RIPOR2: variants seen among roughly 807,000 people sequenced by gnomAD.
RIPOR2 encodes the protein rho family-interacting cell polarization regulator 2.
A neutral mutation model predicts 114.5 loss-of-function variants in RIPOR2; 39 were observed. That is an observed-to-expected ratio of 0.34 (90% CI 0.26 to 0.44). The LOEUF is 0.44. Ranked by LOEUF, RIPOR2 falls within the 20% of genes least tolerant of loss-of-function variation. RIPOR2 has a pLI of 1.00. For synonymous variants in RIPOR2, 445 were observed against 484.4 expected (o/e 0.92, Z 1.07); for missense variants, 1,007 against 1,255.1 (o/e 0.80, Z 2.99).
chr6:24,881,148 G>A (rs1294929915), intron 1 of RIPOR2, among the ~76,000 whole-genome samples: 1 of 152,160 alleles, frequency 6.6e-6, no homozygotes, highest in Non-Finnish European at 1.5e-5. Flanking sequence ...GGAGGCTGAG[G>A]CAGGAGCATT....
At chr6:24,854,787 G>A (rs1192411657) in intron 8 of RIPOR2, among the ~76,000 whole-genome samples, 1 of 152,146 alleles carries the variant, frequency 6.6e-6, no homozygotes, top group Non-Finnish European at 1.5e-5. Context: ...CAGCACTTTA[G>A]GAGGCTGAGG....
At chr6:25,029,718 T>TA (rs1321135011) in intron 1 of RIPOR2, among the ~76,000 whole-genome samples, 6 of 152,142 alleles carry the variant, frequency 3.9e-5, no homozygotes, top group African/African-American at 1.2e-4. Flanking sequence ...CTTCTCATCT[T>TA]AAAAAAACCA....
chr6:25,005,123 C>T lies in RIPOR2; in HGVS notation c.76+36728G>A, dbSNP rs946586564. On this transcript the variant is annotated intron_variant, in intron 1 of 13. Coordinates refer to the RIPOR2 transcript ENST00000510784. Reference sequence around the variant, plus strand: ...TAAGCTACAGCTGATAGCTTTGCACCAGGAGAATTTCTCTGCCTATTTCCC... The same window carrying T: ...TAAGCTACAGCTGATAGCTTTGCACTAGGAGAATTTCTCTGCCTATTTCCC... Among the ~76,000 whole-genome samples the T allele has an allele frequency of 2.6e-5, 4 of 151,988 alleles. No individual in the cohort carries two copies. In the East Asian group the frequency reaches 5.8e-4, roughly 22 times the overall value.
chr6:24,957,870 C>T (rs559893371), intron 1 of RIPOR2, among the ~76,000 whole-genome samples: 1 of 152,120 alleles, frequency 6.6e-6, no homozygotes, highest in South Asian at 2.1e-4. Flanking sequence ...GCGAAGACTC[C>T]GTCTCAAAAA....
intron 1 of RIPOR2, among the ~76,000 whole-genome samples, chr6:24,905,773 G>A (rs532080827): frequency 6.6e-6 from 1 of 152,306 alleles, no homozygotes; most frequent in Admixed American, 6.5e-5. Flanking sequence ...AATCACGTGT[G>A]CTTTTAGCGT....
At position 24,891,589 on chromosome 6, in the gene RIPOR2, G is replaced by A. The variant is rs889178447; in HGVS notation, c.62-15772C>T. ...AGAAAGAACAAATGCTTATGTATCC[G>A]AGACTGGATCCATCAACGTATGGCA... On this transcript the variant is annotated intron_variant, in intron 1 of 21. Transcript: ENST00000643898. 2.0e-5 allele frequency among the ~76,000 whole-genome samples: 3 copies of A among 151,972 alleles called. No homozygotes were observed. The South Asian group carries it at 6.2e-4, about 32-fold the overall frequency.
chr6:25,022,531 CATTTTTTTTTTTTTTTTTTTTTTTT>C (rs1452214194), intron 1 of RIPOR2, among the ~76,000 whole-genome samples: 5 of 64,530 alleles, frequency 7.7e-5, no homozygotes, highest in African/African-American at 2.4e-4. Flanking sequence ...TGGTACCTTC[CATTTTTTTTTTTTTTTTTTTTTTTT>C]TTTTTTTTTT....
intron 1 of RIPOR2, among the ~76,000 whole-genome samples, chr6:24,919,938 G>A (rs975333115): frequency 6.6e-6 from 1 of 152,104 alleles, no homozygotes; most frequent in African/African-American, 2.4e-5. Flanking sequence ...TGGTGATTTC[G>A]GTGTTTGGAG....
chr6:24,901,545 AAT>A (rs1381709283), intron 1 of RIPOR2, among the ~76,000 whole-genome samples: 2 of 152,124 alleles, frequency 1.3e-5, no homozygotes, highest in Non-Finnish European at 2.9e-5. Flanking sequence ...CTTTTTTTGG[AAT>A]GTCATGGGAG....
chr6:24,988,830 C>T (rs1256120310), intron 1 of RIPOR2, among the ~76,000 whole-genome samples: 1 of 152,178 alleles, frequency 6.6e-6, no homozygotes, highest in Admixed American at 6.5e-5. Flanking sequence ...CATTCATTTA[C>T]ATATTATCTA....
intron 1 of RIPOR2, chr6:24,976,435 T>A: frequency 6.4e-7 from 1 of 1,561,030 alleles, no homozygotes; most frequent in Non-Finnish European, 8.8e-7. Context: ...AACCCCACCA[T>A]GTTCTTCGAC....
At chr6:24,986,834 T>C (rs1407926877) in intron 1 of RIPOR2, among the ~76,000 whole-genome samples, 1 of 152,162 alleles carries the variant, frequency 6.6e-6, no homozygotes, top group Non-Finnish European at 1.5e-5. Context: ...GTCCAATCTT[T>C]TGGCTTCCCT....
Position 24,806,385 on chromosome 6 carries a change from G to A in RIPOR2, c.3132C>T (p.Ala1044=). 1 of 1,549,672 alleles carries A rather than the reference G, an allele frequency of 6.5e-7. No individual in the cohort carries two copies. Among genetic ancestry groups the A allele is most frequent in the Non-Finnish European group, 8.7e-7 (1 of 1,145,368 alleles). The part of the protein sequence containing the change: ...KVGGRHGTEV[A]TAF Reference sequence around the variant, plus strand: ...AGTTAACCTGTAATTAAAAGGCTGTGGCAACTTCAGTTCCATGACGACCTC... The same window carrying A: ...AGTTAACCTGTAATTAAAAGGCTGTAGCAACTTCAGTTCCATGACGACCTC... Residue 1044 remains alanine (A), a synonymous_variant, in exon 22 of 22, where the codon GCC becomes GCT. Transcript: ENST00000643898.
chr6:24,880,725 A>G (rs1418245020), intron 1 of RIPOR2, among the ~76,000 whole-genome samples: 1 of 152,230 alleles, frequency 6.6e-6, no homozygotes, highest in Non-Finnish European at 1.5e-5. Context: ...GGCTTTATAA[A>G]TTCTGATTAC....
Position 24,957,817 on chromosome 6 carries a change from G to T in RIPOR2, c.77-82000C>A, listed in dbSNP as rs150044953. ...GTGAACCTAGGAGGCAGAGCTTGCG[G>T]TGAGCTGAGATCGTGCCACTGCACT... On this transcript the variant is annotated intron_variant, in intron 1 of 13. Transcript: ENST00000510784. Among the ~76,000 whole-genome samples, 164 of 152,346 alleles carry T rather than the reference G, an allele frequency of 1.1e-3. 1 individual carries two copies. In the East Asian group the frequency reaches 0.012, roughly 11 times the overall value.
In RIPOR2 at chr6:24,838,127, G is replaced by T. The variant is rs148585307; in HGVS notation, c.2039+964C>A. ...TGCATGAGGACACCGGACGGTGAAG[G>T]TGACAATGTTTCACCTTCATCTGTT... is the stretch of plus-strand genomic sequence containing the variant. On this transcript the variant is annotated intron_variant, in intron 14 of 21. Coordinates refer to ENST00000643898, the MANE Select transcript of RIPOR2 (RefSeq NM_001286445.3). 3.7e-3 allele frequency among the ~76,000 whole-genome samples: 568 copies of T among 152,332 alleles called. 2 individuals carry two copies. The highest frequency in any genetic ancestry group is 0.012 in the African/African-American group (506 of 41,574).
chr6:24,933,793 A>T (rs1011173618), intron 1 of RIPOR2, among the ~76,000 whole-genome samples: 1 of 152,114 alleles, frequency 6.6e-6, no homozygotes, highest in Non-Finnish European at 1.5e-5. Flanking sequence ...TTGACTCCCA[A>T]CTTATCAACC....
intron 1 of RIPOR2, among the ~76,000 whole-genome samples, chr6:24,918,303 T>C (rs1770238235): frequency 6.6e-6 from 1 of 152,238 alleles, no homozygotes; most frequent in Non-Finnish European, 1.5e-5. Flanking sequence ...TTGATAATCA[T>C]TAATCATTAC....
chr6:24,966,321 T>A (rs74711787), intron 1 of RIPOR2, among the ~76,000 whole-genome samples: 37 of 152,338 alleles, frequency 2.4e-4, no homozygotes, highest in African/African-American at 8.9e-4. Flanking sequence ...TAACTATGGC[T>A]ATCACTAGAT....
Sources: allele counts gnomAD v4.1 joint callset (sites outside exome capture counted in the v4.1 genomes callset), GRCh38; gene constraint gnomAD v4.1.1; transcripts MANE v1.5; gene names NCBI Gene and HGNC (gene_info 2026-07-23, HGNC 2026-07-21).